The following BBX variants were observed in gnomAD, a reference collection of about 807,000 sequenced individuals.
BBX encodes the protein BBX high mobility group box domain containing, also known as HMG box transcription factor BBX.
A neutral mutation model predicts 100.2 loss-of-function variants in BBX; 30 were observed. That is an observed-to-expected ratio of 0.30 (90% CI 0.22 to 0.41). The LOEUF (loss-of-function observed/expected upper bound fraction) is 0.41. Among genes scored for constraint, BBX ranks in the 10% least tolerant of loss-of-function variants. The pLI, the probability that BBX is intolerant of heterozygous loss-of-function variation, is 1.00. For synonymous variants in BBX, 376 were observed against 388.1 expected, an observed-to-expected ratio of 0.97 and a Z score of 0.37; for missense variants, 1,023 against 1,129.8, an observed-to-expected ratio of 0.91 and a Z score of 1.35.
intron 2 of BBX, 103 bp downstream of exon 2, chr3:107,526,501 A>G (rs2047788884): frequency 5.0e-6 from 2 of 396,062 alleles, no homozygotes; most frequent in East Asian, 7.2e-5. Flanking sequence ...GGGTTACAGC[A>G]CCCCAGAAAC....
intron 6 of BBX, 101 bp downstream of exon 6, chr3:107,729,061 C>G: frequency 8.5e-7 from 1 of 1,175,452 alleles, no homozygotes; most frequent in Non-Finnish European, 1.2e-6. Flanking sequence ...AATTTATAAC[C>G]AATATTAAGC....
In BBX at chr3:107,715,352, A is replaced by G. The variant is rs146307646; in HGVS notation, c.163-1255A>G. On this transcript the variant is annotated intron_variant, in intron 4 of 17. Transcript: ENST00000325805. ...TTTAACAGAACCTCCAGGGATTCCA[A>G]TGCATACTCAAGTTTAAGAATTAAC... is the stretch of plus-strand genomic sequence containing the variant. Among the ~76,000 whole-genome samples, 668 of 152,280 alleles carry G rather than the reference A, an allele frequency of 4.4e-3. 6 individuals are homozygous for G. The Middle Eastern group carries it at 0.044, about 10-fold the overall frequency.
chr3:107,758,351 G>A (rs968996048), intron 10 of BBX, among the ~76,000 whole-genome samples: 1 of 152,154 alleles, frequency 6.6e-6, no homozygotes, highest in Non-Finnish European at 1.5e-5. Flanking sequence ...GGAATGGCCC[G>A]CTGTACTTTG....
rs577030015 is a variant in BBX, at chr3:107,592,079, C to T, written c.-83-53757C>T. ...GTGGCTTCATATTAGAGATTAACCC[C>T]ATCAAGAAGTTAACAGTCTCCCAGT... On this transcript the variant is annotated intron_variant, in intron 2 of 17. Coordinates refer to ENST00000325805, the MANE Select transcript of BBX (RefSeq NM_001142568.3). Among the ~76,000 whole-genome samples the T allele has an allele frequency of 8.6e-5, 13 of 151,058 alleles. 1 individual carries two copies. The South Asian group carries it at 2.5e-3, about 29-fold the overall frequency.
chr3:107,681,268 T>C (rs190784851), intron 3 of BBX, among the ~76,000 whole-genome samples: 1 of 152,294 alleles, frequency 6.6e-6, no homozygotes, highest in East Asian at 1.9e-4. Context: ...TAGATGAGTC[T>C]TGTATGTTCC....
chr3:107,727,347 A>G (rs993076734), intron 5 of BBX, among the ~76,000 whole-genome samples: 8 of 152,044 alleles, frequency 5.3e-5, no homozygotes, highest in African/African-American at 1.7e-4. Context: ...CCTCAGCTTA[A>G]TATGTAAATC....
rs1010508768 is a variant in BBX at position 107,548,394 on chromosome 3, A to G, written c.-84+21996A>G. 1.1e-4 allele frequency among the ~76,000 whole-genome samples: 17 copies of G among 152,284 alleles called. 1 individual carries two copies. In the Middle Eastern group the frequency reaches 0.014, roughly 122 times the overall value. Reference sequence around the variant, plus strand: ...CCATTTGTCTATTTATAAGCATACTATGTGGTCTGATAATTTATGAATGAG... The same window carrying G: ...CCATTTGTCTATTTATAAGCATACTGTGTGGTCTGATAATTTATGAATGAG... On this transcript the variant is annotated intron_variant, in intron 2 of 17. Coordinates refer to ENST00000325805, the MANE Select transcript of BBX (RefSeq NM_001142568.3).
intron 2 of BBX, among the ~76,000 whole-genome samples, chr3:107,622,573 A>G (rs1400185881): frequency 6.6e-6 from 1 of 152,094 alleles, no homozygotes; most frequent in African/African-American, 2.4e-5. Context: ...TTTCAACAGC[A>G]TTTACCTTTA....
chr3:107,625,293 T>C (rs559464664), intron 2 of BBX, among the ~76,000 whole-genome samples: 4 of 152,340 alleles, frequency 2.6e-5, no homozygotes, highest in Admixed American at 1.3e-4. Flanking sequence ...TATTATTTTT[T>C]TTGGGACAGA....
intron 13 of BBX, among the ~76,000 whole-genome samples, chr3:107,786,363 A>G (rs2068426580): frequency 6.6e-6 from 1 of 152,108 alleles, no homozygotes; most frequent in South Asian, 2.1e-4. Context: ...AAACAAAACA[A>G]TCTTAGAAGA....
intron 2 of BBX, among the ~76,000 whole-genome samples, chr3:107,643,350 A>G (rs2057330740): frequency 6.6e-6 from 1 of 151,566 alleles, no homozygotes; most frequent in Non-Finnish European, 1.5e-5. Flanking sequence ...ACCTGCCATT[A>G]TGAAGTTTCT....
At chr3:107,787,957 G>A (rs557097629) in intron 13 of BBX, among the ~76,000 whole-genome samples, 248 of 152,246 alleles carry the variant, frequency 1.6e-3, no homozygotes, top group African/African-American at 5.8e-3. Flanking sequence ...TCAAAGGAAA[G>A]GAGTGGCAGG....
chr3:107,662,496 T>G (rs1334131929), intron 3 of BBX: 3 of 152,254 alleles, frequency 2.0e-5, no homozygotes, highest in African/African-American at 7.2e-5. Context: ...AGTTTAGAAT[T>G]TTTAGGGTTT....
chr3:107,524,619 G>C (rs1057227924), intron 1 of BBX: 15 of 143,406 alleles, frequency 1.0e-4, no homozygotes, highest in African/African-American at 2.6e-4. Flanking sequence ...GACAGAGGGG[G>C]GGGGGGGGAG....
Position 107,539,300 on chromosome 3 carries a change from A to G in BBX, c.-84+12902A>G, listed in dbSNP as rs192725783. On this transcript the variant is annotated intron_variant, in intron 2 of 17. Transcript: ENST00000325805. ...GCTCTGGTCTCAGGATATTTCTAGTATAGTAGTGACATACATATACCAAAT... is the reference window on the plus strand; with the variant it reads ...GCTCTGGTCTCAGGATATTTCTAGTGTAGTAGTGACATACATATACCAAAT... Among the ~76,000 whole-genome samples the G allele has an allele frequency of 2.0e-3, 304 of 152,294 alleles. 2 individuals are homozygous for G. Among genetic ancestry groups the G allele is most frequent in the Non-Finnish European group, 1.9e-3 (132 of 68,020 alleles).
chr3:107,633,823 G>A (rs755604002), intron 2 of BBX, among the ~76,000 whole-genome samples: 4 of 152,174 alleles, frequency 2.6e-5, no homozygotes, highest in Non-Finnish European at 5.9e-5. Context: ...GACCATAAAA[G>A]GATGTGAAAA....
chr3:107,642,777 C>G (rs751763766), intron 2 of BBX, among the ~76,000 whole-genome samples: 13 of 151,924 alleles, frequency 8.6e-5, no homozygotes, highest in Admixed American at 4.6e-4. Context: ...GGCATGTGTA[C>G]CATGCATGGT....
chr3:107,623,896 C>T (rs761372166), intron 2 of BBX, among the ~76,000 whole-genome samples: 23 of 152,100 alleles, frequency 1.5e-4, no homozygotes, highest in Non-Finnish European at 2.1e-4. Context: ...TTTACAGACT[C>T]TCGTCTGTAA....
At chr3:107,621,905 G>A (rs1000546575) in intron 2 of BBX, among the ~76,000 whole-genome samples, 1 of 151,830 alleles carries the variant, frequency 6.6e-6, no homozygotes, top group African/African-American at 2.4e-5. Context: ...GTTTTTCTAG[G>A]TTTGCTTTTT....
Sources: gnomAD v4.1 joint callset for allele counts (sites outside exome capture counted in the v4.1 genomes callset) on GRCh38, gnomAD v4.1.1 for gene constraint, MANE v1.5 for transcripts, NCBI Gene and HGNC (gene_info 2026-07-23, HGNC 2026-07-21) for gene names.